Variants in NID1 observed in about 807,000 individuals in gnomAD.
NID1 encodes the protein nidogen-1.
In NID1, 76 loss-of-function variants were observed where a neutral mutation model predicts 130.6. That is an observed-to-expected ratio of 0.58 (90% CI 0.48 to 0.70). The LOEUF (loss-of-function observed/expected upper bound fraction) is 0.70, where lower values mean the gene tolerates loss of function less well. Ranked by LOEUF, NID1 falls within the 30% of genes least tolerant of loss-of-function variation. NID1 has a pLI of 0.00. For missense variants in NID1, 1,517 were observed against 1,664.8 expected, an observed-to-expected ratio of 0.91 and a Z score of 1.54; for synonymous variants, 665 against 675.1, an observed-to-expected ratio of 0.98 and a Z score of 0.23.
At chr1:236,038,012 G>C in intron 5 of NID1, 92 bp downstream of exon 5, 1 of 1,423,378 alleles carries the variant, frequency 7.0e-7, no homozygotes, top group Non-Finnish European at 9.5e-7. Flanking sequence ...CACCTACGGA[G>C]ATGTGGGTAA....
intron 2 of NID1, 49 bp downstream of exon 2, chr1:236,048,641 G>A: frequency 6.3e-7 from 1 of 1,579,440 alleles, no homozygotes; most frequent in Non-Finnish European, 8.6e-7. Context: ...CAAAGTGTAT[G>A]AAGCCAATGT....
intron 10 of NID1, 95 bp from the exon 11 acceptor site, chr1:236,013,655 G>T: frequency 7.0e-7 from 1 of 1,421,560 alleles, no homozygotes; most frequent in Non-Finnish European, 9.7e-7. Context: ...ACCATGCCTG[G>T]ACCCTAGACC....
intron 3 of NID1, among the ~76,000 whole-genome samples, chr1:236,044,140 T>A (rs1659531933): frequency 6.6e-6 from 1 of 152,110 alleles, no homozygotes; most frequent in Non-Finnish European, 1.5e-5. Flanking sequence ...ATCACAAAAG[T>A]CCTGCATAAA....
Position 236,032,667 on chromosome 1 carries a change from A to C in NID1, c.1286-15T>G, listed in dbSNP as rs1472562215. The C allele has an allele frequency of 3.1e-6, 5 of 1,613,654 alleles. No individual in the cohort carries two copies. Among genetic ancestry groups the C allele is most frequent in the Non-Finnish European group, 4.2e-6 (5 of 1,179,852 alleles). ...CTGGGGGGAACCTGAGCAAGAAAAC[A>C]AAGAAAGAATATAGAGATCACTTCC... On this transcript the variant is annotated splice_polypyrimidine_tract_variant and intron_variant, in intron 5 of 19. Transcript: ENST00000264187.
chr1:236,048,266 C>T (rs1353598812), intron 2 of NID1, among the ~76,000 whole-genome samples: 2 of 149,046 alleles, frequency 1.3e-5, no homozygotes, highest in Admixed American at 6.7e-5. Flanking sequence ...ACCGGGGAGG[C>T]GAAGCTTGCA....
intron 1 of NID1, among the ~76,000 whole-genome samples, chr1:236,063,058 G>C (rs1456999154): frequency 1.3e-5 from 2 of 149,980 alleles, no homozygotes; most frequent in African/African-American, 2.5e-5. Flanking sequence ...GGAGGCTGAG[G>C]CAGGAAAATC....
chr1:236,064,510 C>A, intron 1 of NID1: 1 of 255,186 alleles, frequency 3.9e-6, no homozygotes, highest in Non-Finnish European at 7.5e-6. Flanking sequence ...CAGGTCCTAG[C>A]CCCGAAGGGA....
intron 1 of NID1, among the ~76,000 whole-genome samples, chr1:236,055,271 T>G (rs1659866404): frequency 6.6e-6 from 1 of 151,702 alleles, no homozygotes; most frequent in South Asian, 2.1e-4. Flanking sequence ...ACCACTGCAC[T>G]CCAACCTGGG....
chr1:235,997,192 C>T (rs1558426112), intron 12 of NID1, among the ~76,000 whole-genome samples: 1 of 152,096 alleles, frequency 6.6e-6, no homozygotes, highest in African/African-American at 2.4e-5. Context: ...TAGGGTAGGG[C>T]TCAACTGACT....
intron 15 of NID1, 133 bp downstream of exon 15, chr1:235,985,246 C>T (rs1572576709): frequency 9.0e-6 from 8 of 884,466 alleles, no homozygotes; most frequent in Admixed American, 2.3e-5. Context: ...CACACTTTAT[C>T]GTAGTAATGC....
rs1398291571 is a variant in NID1, at chr1:236,012,018, T to A, written c.2430A>T (p.Arg810=). The A allele has an allele frequency of 6.2e-7, 1 of 1,614,012 alleles. No individual in the cohort carries two copies. Among genetic ancestry groups the A allele is most frequent in the East Asian group, 2.2e-5 (1 of 44,886 alleles). ...TGTAGCAGAAGGCGTCAGGGTGACA[T>A]CGGCTTGGCTGGCATTCATCTACAT... ...CQDVDECQPS[R]CHPDAFCYNT... The change falls in exon 12 of 20, where the codon CGA becomes CGT. Residue 810 remains arginine (R), a synonymous_variant. Transcript: ENST00000264187.
rs573674963 is a variant in NID1 at position 236,011,604 on chromosome 1, A to G, written c.2527+317T>C. Reference sequence around the variant, plus strand: ...AGGCAATGTTCCCACCTGATGTTCTACCATTTCAAAGAATGCTCTACATTG... The same window carrying G: ...AGGCAATGTTCCCACCTGATGTTCTGCCATTTCAAAGAATGCTCTACATTG... On this transcript the variant is annotated intron_variant, in intron 12 of 19. Transcript: ENST00000264187. 3.3e-5 allele frequency among the ~76,000 whole-genome samples: 5 copies of G among 152,218 alleles called. No homozygotes were observed. The South Asian group carries it at 1.0e-3, about 32-fold the overall frequency.
intron 1 of NID1, among the ~76,000 whole-genome samples, chr1:236,055,058 A>G (rs984298491): frequency 5.3e-5 from 8 of 151,924 alleles, no homozygotes; most frequent in African/African-American, 1.9e-4. Flanking sequence ...TAATCCCAGC[A>G]CTTTGGGAGG....
At chr1:236,045,420 T>C (rs1466444747) in intron 3 of NID1, 37 bp downstream of exon 3, 2 of 1,414,978 alleles carry the variant, frequency 1.4e-6, no homozygotes, top group Admixed American at 3.4e-5. Flanking sequence ...TAAAAAATAT[T>C]AAGAGGAGAA....
rs1381307434 is a variant in NID1 at position 235,985,405 on chromosome 1, C to G, written c.3029G>C (p.Gly1010Ala). ...PSIGRASLHG[G>A]EPTTIIRQDL... Reference sequence around the variant, plus strand: ...TTGTCTAATGATGGTGGTTGGCTCTCCACCATGTAGACTAGCTCTCCCAAT... The same window carrying G: ...TTGTCTAATGATGGTGGTTGGCTCTGCACCATGTAGACTAGCTCTCCCAAT... The change falls in exon 15 of 20, where the codon GGA becomes GCA. Residue 1010 changes from glycine (G) to alanine (A), a missense_variant. This residue lies in a region of NID1 where 1,329 missense variants were observed against 1,429.2 expected (regional missense o/e 0.93). Transcript: ENST00000264187. The G allele has an allele frequency of 2.5e-6, 4 of 1,614,126 alleles. No homozygotes were observed. Among genetic ancestry groups the G allele is most frequent in the Non-Finnish European group, 3.4e-6 (4 of 1,179,984 alleles).
intron 2 of NID1, among the ~76,000 whole-genome samples, chr1:236,047,069 C>A (rs911928737): frequency 1.3e-5 from 2 of 152,148 alleles, no homozygotes; most frequent in African/African-American, 2.4e-5. Context: ...CAAGATGGCA[C>A]CACTGCACTC....
intron 6 of NID1, among the ~76,000 whole-genome samples, chr1:236,030,247 A>G (rs929638583): frequency 1.3e-5 from 2 of 152,126 alleles, no homozygotes; most frequent in African/African-American, 4.8e-5. Context: ...ACCAGAAACC[A>G]TCCTAGGATC....
intron 1 of NID1, among the ~76,000 whole-genome samples, chr1:236,053,433 C>T (rs748768114): frequency 1.3e-5 from 2 of 152,142 alleles, no homozygotes; most frequent in Admixed American, 6.5e-5. Flanking sequence ...TTCTCCATCT[C>T]AGCTACCAAC....
intron 2 of NID1, among the ~76,000 whole-genome samples, chr1:236,047,965 G>T (rs1204752252): frequency 6.9e-6 from 1 of 144,908 alleles, no homozygotes; most frequent in Non-Finnish European, 1.5e-5. Flanking sequence ...GGTGGAGGCT[G>T]CAGAGAGCTG....
Sources: gnomAD v4.1 joint callset for allele counts (sites outside exome capture counted in the v4.1 genomes callset) on GRCh38, gnomAD v4.1.1 for gene constraint, gnomAD v4.1.1 regional missense constraint, MANE v1.5 for transcripts, NCBI Gene and HGNC (gene_info 2026-07-23, HGNC 2026-07-21) for gene names.